The following MADD variants were observed in gnomAD, a reference collection of about 807,000 sequenced individuals.
MADD encodes MAP kinase activating death domain.
In MADD, 109 loss-of-function variants were observed where a neutral mutation model predicts 176.7. The observed-to-expected ratio is 0.62, with a 90% CI of 0.53 to 0.72. The LOEUF (loss-of-function observed/expected upper bound fraction) is 0.72, where lower values mean the gene tolerates loss of function less well. Among genes scored for constraint, MADD ranks in the 30% least tolerant of loss-of-function variants. The probability of loss-of-function intolerance (pLI) is 0.00; values close to 1 mark genes in which losing one functional copy is unlikely to be tolerated. For synonymous variants in MADD, 771 were observed against 771.3 expected (o/e 1.00, Z 0.01); for missense variants, 1,914 against 2,045.5 (o/e 0.94, Z 1.24).
rs558163731 is a variant in MADD, at chr11:47,311,448, A to G, written c.3979-284A>G. ...GTTTTTAGAGCCCTTGTAGGGGTGAATGTTGTGGTATTGAGTGGGGATAGG... is the reference window on the plus strand; with the variant it reads ...GTTTTTAGAGCCCTTGTAGGGGTGAGTGTTGTGGTATTGAGTGGGGATAGG... On this transcript the variant is annotated intron_variant, in intron 25 of 32. Coordinates refer to ENST00000402192, the Ensembl canonical transcript of MADD. 1.2e-4 allele frequency among the ~76,000 whole-genome samples: 18 copies of G among 152,280 alleles called. No individual in the cohort carries two copies. The South Asian group carries it at 3.1e-3, about 26-fold the overall frequency.
At chr11:47,274,192 A>G (rs2047643797) in intron 2 of MADD, among the ~76,000 whole-genome samples, 1 of 152,218 alleles carries the variant, frequency 6.6e-6, no homozygotes, top group African/African-American at 2.4e-5. Context: ...TGTCGAGCAA[A>G]TATACTCTTT....
chr11:47,309,083 T>C, intron 23 of MADD, 41 bp downstream of exon 26: 4 of 1,591,572 alleles, frequency 2.5e-6, no homozygotes, highest in Non-Finnish European at 3.4e-6. Context: ...TCCCTCCTCC[T>C]TGGGAGGGAC....
intron 6 of MADD, among the ~76,000 whole-genome samples, 178 bp from the exon 7 acceptor site, chr11:47,278,821 A>G (rs2053208359): frequency 6.6e-6 from 1 of 152,212 alleles, no homozygotes; most frequent in African/African-American, 2.4e-5. Flanking sequence ...GTTATATTTC[A>G]TTTCAGATGC....
At chr11:47,279,120 C>A in intron 7 of MADD, 41 bp downstream of exon 7, 2 of 1,571,312 alleles carry the variant, frequency 1.3e-6, no homozygotes, top group Non-Finnish European at 1.7e-6. Context: ...GTATTAGATG[C>A]TGTGGGATTC....
chr11:47,314,871 ATAGT>A (rs1396122159), intron 26 of MADD, among the ~76,000 whole-genome samples: 5 of 151,938 alleles, frequency 3.3e-5, no homozygotes, highest in Admixed American at 6.6e-5. Context: ...TTTTGAAAAT[ATAGT>A]TATTTTATTA....
At chr11:47,322,487 C>T (rs1456425240) in intron 27 of MADD, among the ~76,000 whole-genome samples, 1 of 152,116 alleles carries the variant, frequency 6.6e-6, no homozygotes. Context: ...TGGTGGGTGC[C>T]TGTAGTCCCA....
At chr11:47,295,843 A>AT in intron 21 of MADD, 54 bp from the exon 24 acceptor site, 1 of 1,563,854 alleles carries the variant, frequency 6.4e-7, no homozygotes, top group South Asian at 1.2e-5. Flanking sequence ...ACAGCTTGGT[A>AT]TTTCTGGGGC....
intron 15 of MADD, among the ~76,000 whole-genome samples, chr11:47,287,203 T>C (rs1433651153): frequency 6.6e-6 from 1 of 152,118 alleles, no homozygotes; most frequent in Non-Finnish European, 1.5e-5. Flanking sequence ...GCACCTGTAA[T>C]CCCAGCTACT....
chr11:47,317,516 C>G (rs547628135), intron 27 of MADD, among the ~76,000 whole-genome samples: 5 of 152,138 alleles, frequency 3.3e-5, no homozygotes, highest in African/African-American at 1.2e-4. Context: ...TTTGTATTAG[C>G]GTGTTTCCTG....
exon 26 of MADD, chr11:47,311,759 G>A (rs1428525205): frequency 4.3e-6 from 7 of 1,613,484 alleles, no homozygotes; most frequent in South Asian, 3.3e-5. Context: ...CCGCAAGAAG[G>A]TGAGGCGCCT....
chr11:47,318,531 TA>T (rs2093676904), intron 27 of MADD, among the ~76,000 whole-genome samples: 1 of 151,992 alleles, frequency 6.6e-6, no homozygotes, highest in African/African-American at 2.4e-5. Context: ...CTTTTCCTTT[TA>T]AAAAAAATAT....
chr11:47,276,662 G>A (rs894757837), intron 4 of MADD, 70 bp from the exon 5 acceptor site: 1 of 1,571,816 alleles, frequency 6.4e-7, no homozygotes, highest in South Asian at 1.1e-5. Flanking sequence ...AAGTTGTAAT[G>A]TTGGAAGCTG....
Position 47,323,667 on chromosome 11 carries a change from C to A in MADD, c.4198-4C>A. ...CCACTGAGCCGCTTTGTGCACTTCT[C>A]CAGGTGTGCGATGACTGTGTGGTGT... On this transcript the variant is annotated splice_region_variant and splice_polypyrimidine_tract_variant and intron_variant, in intron 27 of 32. Transcript: ENST00000402192. 1.2e-6 allele frequency: 2 copies of A among 1,612,146 alleles called. No homozygotes were observed. The highest frequency in any genetic ancestry group is 1.7e-6 in the Non-Finnish European group (2 of 1,179,258).
At chr11:47,282,927 T>C in exon 10 of MADD, 1 of 1,613,962 alleles carries the variant, frequency 6.2e-7, no homozygotes, top group African/African-American at 1.3e-5. Flanking sequence ...GCCCTGAGTG[T>C]ACCACCAGAG....
intron 22 of MADD, 51 bp downstream of exon 24, chr11:47,296,106 A>G: frequency 6.3e-7 from 1 of 1,586,720 alleles, no homozygotes; most frequent in Non-Finnish European, 8.6e-7. Flanking sequence ...TGGGGGAGGG[A>G]AGCAGGCAAG....
At chr11:47,319,467 T>C (rs2093959691) in intron 27 of MADD, among the ~76,000 whole-genome samples, 1 of 152,094 alleles carries the variant, frequency 6.6e-6, no homozygotes, top group Non-Finnish European at 1.5e-5. Context: ...TTGCCCTTTT[T>C]TTAGTTACAG....
Position 47,288,954 on chromosome 11 carries a change from A to G in MADD, c.2654-437A>G. ...ATTGTGGTACACCTACTAATTGTGT[A>G]TTTTGTGTCCCAGTATTTGGGCTAA... On this transcript the variant is annotated intron_variant, in intron 15 of 32. Coordinates refer to ENST00000402192, the Ensembl canonical transcript of MADD. 1 of 1,591,138 alleles carries G rather than the reference A, an allele frequency of 6.3e-7. No individual in the cohort carries two copies. The highest frequency in any genetic ancestry group is 1.2e-5 in the South Asian group (1 of 86,602).
intron 20 of MADD, among the ~76,000 whole-genome samples, chr11:47,294,669 CAAAAAAAA>C (rs58253961): frequency 1.8e-5 from 1 of 56,032 alleles, no homozygotes; most frequent in Non-Finnish European, 3.4e-5. Context: ...GACTCCGTCT[CAAAAAAAA>C]AAAAAAAAAA....
At position 47,276,878 on chromosome 11, in the gene MADD, G is replaced by A. The variant is rs578067842; in HGVS notation, c.1095+15G>A. The A allele has an allele frequency of 6.8e-6, 11 of 1,613,260 alleles. No individual in the cohort carries two copies. Among genetic ancestry groups the A allele is most frequent in the African/African-American group, 1.3e-5 (1 of 75,034 alleles). On this transcript the variant is annotated intron_variant, in intron 5 of 32. Transcript: ENST00000402192. ...CAGCAGAGCAGGTGAGTCTCAAGGC[G>A]ACTTCCGGCTTTCTCACCTCTGTCT...
Sources: allele counts gnomAD v4.1 joint callset (sites outside exome capture counted in the v4.1 genomes callset), GRCh38; gene constraint gnomAD v4.1.1; transcripts MANE v1.5; gene names NCBI Gene and HGNC (gene_info 2026-07-23, HGNC 2026-07-21).